GRID2: variants seen among roughly 807,000 people sequenced by gnomAD.
The protein encoded by GRID2 is glutamate ionotropic receptor delta type subunit 2.
Under a neutral mutation model 114.8 loss-of-function variants are expected in GRID2, and 33 were observed. That is an observed-to-expected ratio of 0.29 (90% confidence interval 0.22 to 0.38). GRID2 has a LOEUF of 0.38. GRID2 is among the 10% of genes least tolerant of loss of function. The probability of loss-of-function intolerance (pLI) is 1.00; values close to 1 mark genes in which losing one functional copy is unlikely to be tolerated. For missense variants in GRID2, 1,184 were observed against 1,257.7 expected, an observed-to-expected ratio of 0.94 and a Z score of 0.89; for synonymous variants, 505 against 449.9, an observed-to-expected ratio of 1.12 and a Z score of -1.55.
intron 14 of GRID2, among the ~76,000 whole-genome samples, chr4:93,700,951 T>C (rs997214771): frequency 2.6e-5 from 4 of 152,068 alleles, no homozygotes; most frequent in African/African-American, 4.8e-5. Context: ...TGATCCTAGA[T>C]TGCTGCTCCA....
intron 9 of GRID2, among the ~76,000 whole-genome samples, chr4:93,421,643 C>G (rs1479113909): frequency 6.6e-6 from 1 of 152,082 alleles, no homozygotes; most frequent in Non-Finnish European, 1.5e-5. Flanking sequence ...AAAGGCACTA[C>G]TGAGGCAAAT....
intron 1 of GRID2, among the ~76,000 whole-genome samples, chr4:92,530,164 G>C (rs1462537825): frequency 1.3e-5 from 2 of 151,932 alleles, no homozygotes; most frequent in Non-Finnish European, 2.9e-5. Flanking sequence ...AATGCAGAAG[G>C]ATGATAGAAT....
Position 92,749,075 on chromosome 4 carries a change from C to A in GRID2, c.244+158789C>A, listed in dbSNP as rs186389078. Among the ~76,000 whole-genome samples the A allele has an allele frequency of 5.7e-3, 858 of 151,814 alleles. 3 individuals carry two copies. Among genetic ancestry groups the A allele is most frequent in the African/African-American group, 0.02 (821 of 41,362 alleles). On this transcript the variant is annotated intron_variant, in intron 2 of 15. Transcript: ENST00000282020. The stretch of plus-strand genomic sequence containing the variant: ...GTGGCGCGATCTTGGCTCACTGCAA[C>A]CTCCACCTCCCAGGTGCAAGCGATT...
intron 2 of GRID2, among the ~76,000 whole-genome samples, chr4:92,658,773 G>A (rs948692370): frequency 1.2e-4 from 15 of 122,922 alleles, no homozygotes; most frequent in African/African-American, 3.2e-4. Flanking sequence ...GAATGTGTTT[G>A]CATGTATGTG....
intron 2 of GRID2, among the ~76,000 whole-genome samples, chr4:92,893,846 A>G (rs1746969856): frequency 6.6e-6 from 1 of 152,140 alleles, no homozygotes; most frequent in Non-Finnish European, 1.5e-5. Flanking sequence ...GGGATAATGT[A>G]GAGTTGATGA....
chr4:93,696,935 T>C (rs967746606), intron 14 of GRID2, among the ~76,000 whole-genome samples: 1 of 152,212 alleles, frequency 6.6e-6, no homozygotes, highest in Non-Finnish European at 1.5e-5. Flanking sequence ...TTCCACATTA[T>C]AGATATTCAA....
At chr4:92,922,153 G>A (rs890467505) in intron 2 of GRID2, among the ~76,000 whole-genome samples, 26 of 152,164 alleles carry the variant, frequency 1.7e-4, no homozygotes, top group Admixed American at 6.5e-5. Context: ...AGCCAGGTGC[G>A]GGATATAATC....
chr4:92,708,445 T>G (rs2149307118), intron 2 of GRID2, among the ~76,000 whole-genome samples: 1 of 152,294 alleles, frequency 6.6e-6, no homozygotes. Context: ...GTTCATGAGT[T>G]AAGGTTTTGG....
intron 12 of GRID2, among the ~76,000 whole-genome samples, chr4:93,499,018 T>G (rs72668796): frequency 6.6e-6 from 1 of 151,810 alleles, no homozygotes; most frequent in African/African-American, 2.4e-5. Context: ...ATGATTTCAT[T>G]TTTTATTGAT....
chr4:92,759,974 C>T (rs927304478), intron 2 of GRID2, among the ~76,000 whole-genome samples: 66 of 151,478 alleles, frequency 4.4e-4, no homozygotes, highest in Middle Eastern at 3.4e-3. Flanking sequence ...GTTTTGAACG[C>T]CTTCGATAAT....
At chr4:92,455,437 A>G (rs1721161440) in intron 1 of GRID2, among the ~76,000 whole-genome samples, 1 of 152,142 alleles carries the variant, frequency 6.6e-6, no homozygotes, top group Non-Finnish European at 1.5e-5. Context: ...AGAATGTGAG[A>G]AGGAGAAGTA....
Position 93,707,110 on chromosome 4 carries a change from G to A in GRID2, c.2361-62100G>A, listed in dbSNP as rs1165621016. The stretch of plus-strand genomic sequence containing the variant: ...GTGTTGTTGAACTCAGTTTGCTGGT[G>A]TATTGTTAAGGATTTTGCATCAGCA... On this transcript the variant is annotated intron_variant, in intron 14 of 15. Coordinates refer to ENST00000282020, the MANE Select transcript of GRID2 (RefSeq NM_001510.4). 5.3e-5 allele frequency among the ~76,000 whole-genome samples: 8 copies of A among 152,162 alleles called. No homozygotes were observed. In the East Asian group the frequency reaches 9.6e-4, roughly 18 times the overall value.
At chr4:92,458,488 C>G (rs1162573085) in intron 1 of GRID2, among the ~76,000 whole-genome samples, 3 of 152,132 alleles carry the variant, frequency 2.0e-5, no homozygotes, top group Non-Finnish European at 2.9e-5. Flanking sequence ...GAGAAGCAAC[C>G]TCACAAGGGG....
At chr4:93,802,902 A>C (rs1734958511) in intron 1 of GRID2, among the ~76,000 whole-genome samples, 1 of 152,228 alleles carries the variant, frequency 6.6e-6, no homozygotes, top group South Asian at 2.1e-4. Context: ...TGTCCTGTTT[A>C]AAAGTGTAAT....
At chr4:92,503,262 T>C (rs1208543517) in intron 1 of GRID2, among the ~76,000 whole-genome samples, 1 of 152,114 alleles carries the variant, frequency 6.6e-6, no homozygotes, top group Non-Finnish European at 1.5e-5. Flanking sequence ...TTTCAGAGAT[T>C]GTAATATTAA....
chr4:93,185,440 A>G (rs565657680), intron 4 of GRID2, among the ~76,000 whole-genome samples: 2 of 152,344 alleles, frequency 1.3e-5, no homozygotes, highest in South Asian at 4.1e-4. Flanking sequence ...TTAATTGACT[A>G]CAGACACTCA....
chr4:93,004,238 T>G (rs993713465), intron 2 of GRID2, among the ~76,000 whole-genome samples: 6 of 151,902 alleles, frequency 3.9e-5, no homozygotes, highest in Non-Finnish European at 7.4e-5. Context: ...TTTTTCACCT[T>G]TAGATTTGAT....
chr4:93,372,664 A>G (rs1479896126), intron 8 of GRID2, among the ~76,000 whole-genome samples: 1 of 151,896 alleles, frequency 6.6e-6, no homozygotes, highest in Admixed American at 6.6e-5. Context: ...TTCACTGTCT[A>G]TTTTCCACTC....
At chr4:92,891,061 G>T (rs561207930) in intron 2 of GRID2, among the ~76,000 whole-genome samples, 2 of 151,974 alleles carry the variant, frequency 1.3e-5, no homozygotes, top group South Asian at 2.1e-4. Flanking sequence ...GAAGTTGAAC[G>T]ATAAGAACAC....
Sources: allele counts gnomAD v4.1 joint callset (sites outside exome capture counted in the v4.1 genomes callset), GRCh38; gene constraint gnomAD v4.1.1; transcripts MANE v1.5; gene names NCBI Gene and HGNC (gene_info 2026-07-23, HGNC 2026-07-21).